Variants in CXXC5 observed in about 807,000 individuals in gnomAD.
CXXC5 encodes CXXC-type zinc finger protein 5.
CXXC5 carries 2 observed loss-of-function variants against 17.6 expected under a neutral mutation model. That is an observed-to-expected ratio of 0.11 (90% confidence interval 0.05 to 0.36). The LOEUF (loss-of-function observed/expected upper bound fraction) is 0.36. Among genes scored for constraint, CXXC5 ranks in the 10% least tolerant of loss-of-function variants. The pLI, the probability that CXXC5 is intolerant of heterozygous loss-of-function variation, is 1.00. For synonymous variants in CXXC5, 171 were observed against 193.0 expected, an observed-to-expected ratio of 0.89 and a Z score of 0.94; for missense variants, 343 against 458.3, an observed-to-expected ratio of 0.75 and a Z score of 2.30.
chr5:139,674,359 G>A lies in CXXC5; in HGVS notation c.-160-6005G>A, dbSNP rs555179976. 3.3e-5 allele frequency among the ~76,000 whole-genome samples: 5 copies of A among 152,328 alleles called. No individual in the cohort carries two copies. In the South Asian group the frequency reaches 8.3e-4, roughly 25 times the overall value. On this transcript the variant is annotated intron_variant, in intron 1 of 2. Transcript: ENST00000302517. ...CTGTCTGCGTATTTTGCCTCACTTGGAGGCAGGCCAAGGAGACCGGCCCAC... is the reference window on the plus strand; with the variant it reads ...CTGTCTGCGTATTTTGCCTCACTTGAAGGCAGGCCAAGGAGACCGGCCCAC...
intron 1 of CXXC5, among the ~76,000 whole-genome samples, chr5:139,669,674 G>T (rs917708798): frequency 6.6e-6 from 1 of 152,214 alleles, no homozygotes; most frequent in East Asian, 1.9e-4. Context: ...AGGCACACAA[G>T]TACAATTTTT....
At chr5:139,676,195 C>A (rs1216720965) in intron 1 of CXXC5, among the ~76,000 whole-genome samples, 2 of 124,898 alleles carry the variant, frequency 1.6e-5, no homozygotes, top group African/African-American at 3.1e-5. Flanking sequence ...CCACCTCCCC[C>A]CAAGCCCTCC....
At chr5:139,647,664 C>T (rs770158860), upstream of CXXC5, among the ~76,000 whole-genome samples, 1 of 152,180 alleles carries the variant, frequency 6.6e-6, no homozygotes, top group Non-Finnish European at 1.5e-5. Context: ...TCTCAGGGCA[C>T]CAAATGTACG....
intron 1 of CXXC5, chr5:139,649,626 C>T (rs1352692024): frequency 6.6e-6 from 1 of 152,224 alleles, no homozygotes; most frequent in Non-Finnish European, 1.5e-5. Context: ...CCACGGTGCC[C>T]CGCGGCCCCT....
chr5:139,674,071 C>A (rs1756639480), intron 1 of CXXC5, among the ~76,000 whole-genome samples: 1 of 152,222 alleles, frequency 6.6e-6, no homozygotes, highest in East Asian at 1.9e-4. Context: ...CCCAGGCCAC[C>A]CTCTGGGTGC....
chr5:139,661,392 C>T lies in CXXC5; in HGVS notation c.-161+12547C>T, dbSNP rs1027420022. Among the ~76,000 whole-genome samples the T allele has an allele frequency of 3.9e-5, 6 of 152,160 alleles. No individual in the cohort carries two copies. Among genetic ancestry groups the T allele is most frequent in the African/African-American group, 4.8e-5 (2 of 41,430 alleles). On this transcript the variant is annotated intron_variant, in intron 1 of 2. Coordinates refer to ENST00000302517, the MANE Select transcript of CXXC5 (RefSeq NM_016463.9). This position sits in a 1 kb window ranked among gnomAD's most constrained non-coding sequence, Gnocchi z 4.7. The stretch of plus-strand genomic sequence containing the variant: ...GACAGACACAGTCACTTGCAGCACA[C>T]GTAGTTCCACACGACTCAGCACACC...
intron 1 of CXXC5, among the ~76,000 whole-genome samples, chr5:139,676,545 G>C (rs71579589): frequency 8.9e-4 from 22 of 24,682 alleles, no homozygotes; most frequent in East Asian, 3.1e-3. Context: ...CCCCACCCTC[G>C]TCCCCAGCCC....
rs771147937 is a variant in CXXC5 at position 139,681,005 on chromosome 5, C to T, written c.482C>T (p.Thr161Met). ...GAGCTGGCAGCCGAGGGACAGCTGACGCTGCAGCAGTTTGCGCAGTCCACA... is the reference window on the plus strand; with the variant it reads ...GAGCTGGCAGCCGAGGGACAGCTGATGCTGCAGCAGTTTGCGCAGTCCACA... ...ATELAAEGQLTLQQFAQSTEM... is the reference protein window; with the variant it reads ...ATELAAEGQLMLQQFAQSTEM... The change falls in exon 2 of 3, where the codon ACG (threonine) becomes ATG (methionine). Residue 161 changes from threonine (T) to methionine (M), a missense_variant. By Grantham distance (81) the Thr-to-Met change is moderately conservative (BLOSUM62 -1). This residue lies in a region of CXXC5 where 297 missense variants were observed against 363.4 expected (regional missense o/e 0.82). Transcript: ENST00000302517. 5.0e-6 allele frequency: 8 copies of T among 1,605,354 alleles called. No individual in the cohort carries two copies. Among genetic ancestry groups the T allele is most frequent in the East Asian group, 2.2e-5 (1 of 44,882 alleles).
intron 1 of CXXC5, among the ~76,000 whole-genome samples, chr5:139,679,072 G>A (rs1010176558): frequency 3.3e-5 from 5 of 152,208 alleles, no homozygotes; most frequent in Admixed American, 2.6e-4. Flanking sequence ...CAGAGGACAG[G>A]CTCCTGCTGG....
intron 1 of CXXC5, among the ~76,000 whole-genome samples, chr5:139,654,313 T>G (rs1755374625): frequency 6.6e-6 from 1 of 152,228 alleles, no homozygotes; most frequent in African/African-American, 2.4e-5. Context: ...GTCCATCAGA[T>G]CTGACTCCAA....
intron 2 of CXXC5, 119 bp downstream of exon 2, chr5:139,681,566 C>G (rs996175203): frequency 3.2e-6 from 4 of 1,269,614 alleles, no homozygotes; most frequent in South Asian, 1.5e-5. Flanking sequence ...ATGCCCCCTC[C>G]CAGTCCTTGG....
At position 139,683,113 on chromosome 5, in the gene CXXC5, A is replaced by T. The variant is rs1757351080; in HGVS notation, c.*206A>T. ...CCTAGCATAAAAAGAAAAAGAAAAA[A>T]ATTTAAACTGCTTTTTCGGAAGAAC... On this transcript the variant is annotated 3_prime_UTR_variant, in exon 3 of 3. Transcript: ENST00000302517. 4.8e-6 allele frequency: 2 copies of T among 415,164 alleles called. No homozygotes were observed. Among genetic ancestry groups the T allele is most frequent in the Non-Finnish European group, 8.3e-6 (2 of 241,546 alleles). 25.7% of individuals were successfully genotyped at this position (415,164 alleles called of 1,614,324 possible).
chr5:139,668,998 G>A lies in CXXC5; in HGVS notation c.-160-11366G>A, dbSNP rs1756294845. 6.6e-6 allele frequency among the ~76,000 whole-genome samples: 1 copy of A among 152,160 alleles called. No individual in the cohort carries two copies. The highest frequency in any genetic ancestry group is 2.4e-5 in the African/African-American group (1 of 41,444). ...TTGGGGGGTTGCTGAGGGGGTGGAGGTAATGTCTGGACCTAGCAGGGCCTG... is the reference window on the plus strand; with the variant it reads ...TTGGGGGGTTGCTGAGGGGGTGGAGATAATGTCTGGACCTAGCAGGGCCTG... On this transcript the variant is annotated intron_variant, in intron 1 of 2. Transcript: ENST00000302517. This position sits in a 1 kb window ranked among gnomAD's most constrained non-coding sequence, Gnocchi z 4.1.
intron 1 of CXXC5, among the ~76,000 whole-genome samples, chr5:139,671,922 TACTG>T (rs1436719516): frequency 6.6e-6 from 1 of 152,198 alleles, no homozygotes; most frequent in African/African-American, 2.4e-5. Context: ...CTCTGCCACT[TACTG>T]ACCTTGTGAC....
In CXXC5 at chr5:139,672,365, G is replaced by T. The variant is rs568580030; in HGVS notation, c.-160-7999G>T. Among the ~76,000 whole-genome samples the T allele has an allele frequency of 3.4e-3, 517 of 152,332 alleles. 7 individuals are homozygous for T. The highest frequency in any genetic ancestry group is 0.012 in the African/African-American group (480 of 41,578). ...ACTCCCGACCTCAGGTGATCCACCT[G>T]CCTCGGCTTCCCAAAGTGCTGGGAT... is the stretch of plus-strand genomic sequence containing the variant. On this transcript the variant is annotated intron_variant, in intron 1 of 2. Coordinates refer to ENST00000302517, the MANE Select transcript of CXXC5 (RefSeq NM_016463.9).
chr5:139,650,137 G>A (rs918526433), intron 1 of CXXC5, among the ~76,000 whole-genome samples: 2 of 152,128 alleles, frequency 1.3e-5, no homozygotes, highest in Non-Finnish European at 2.9e-5. Flanking sequence ...CTGGTGCCTC[G>A]GGCTGCAAGG....
intron 1 of CXXC5, among the ~76,000 whole-genome samples, chr5:139,655,071 GCCT>G (rs1755413982): frequency 6.6e-6 from 1 of 152,142 alleles, no homozygotes; most frequent in Admixed American, 6.5e-5. Flanking sequence ...GTGTTGACAG[GCCT>G]CCTGGCTTTC....
At chr5:139,655,922 C>A (rs944429156) in intron 1 of CXXC5, among the ~76,000 whole-genome samples, 1 of 152,216 alleles carries the variant, frequency 6.6e-6, no homozygotes, top group African/African-American at 2.4e-5. Flanking sequence ...GACGCCCCAG[C>A]TATATTTACT....
Position 139,677,082 on chromosome 5 carries a change from C to T in CXXC5, c.-160-3282C>T, listed in dbSNP as rs1441291831. Among the ~76,000 whole-genome samples the T allele has an allele frequency of 4.6e-5, 7 of 152,154 alleles. No homozygotes were observed. In the South Asian group the frequency reaches 8.3e-4, roughly 18 times the overall value. On this transcript the variant is annotated intron_variant, in intron 1 of 2. Coordinates refer to ENST00000302517, the MANE Select transcript of CXXC5 (RefSeq NM_016463.9). ...AAAGGGGTCCTTTGTGGGCTGACCG[C>T]GGCTGGCGGGGCGGCGGGGCGCTGG...
Sources: gnomAD v4.1 joint callset for allele counts (sites outside exome capture counted in the v4.1 genomes callset) on GRCh38, gnomAD v4.1.1 for gene constraint, gnomAD v4.1.1 regional missense constraint, Gnocchi (gnomAD v3.1) non-coding constraint, MANE v1.5 for transcripts, NCBI Gene and HGNC (gene_info 2026-07-23, HGNC 2026-07-21) for gene names.